Variants in PRDM16 observed in about 807,000 individuals in gnomAD.
PRDM16 encodes PR/SET domain 16, also known as histone-lysine N-methyltransferase PRDM16.
PRDM16 carries 23 observed loss-of-function variants against 110.6 expected under a neutral mutation model. The ratio of observed to expected loss-of-function variants is 0.21; its 90% CI spans 0.15 to 0.29. PRDM16 has a LOEUF of 0.29. Among genes scored for constraint, PRDM16 ranks in the 10% least tolerant of loss-of-function variants. The pLI is 1.00. For missense variants in PRDM16, 1,615 were observed against 1,794.3 expected, an observed-to-expected ratio of 0.90 and a Z score of 1.81; for synonymous variants, 799 against 781.8, an observed-to-expected ratio of 1.02 and a Z score of -0.37.
intron 3 of PRDM16, among the ~76,000 whole-genome samples, chr1:3,380,878 C>T (rs1643090621): frequency 6.6e-6 from 1 of 152,130 alleles, no homozygotes; most frequent in Admixed American, 6.5e-5. Context: ...GTGCCTCCTC[C>T]ACAGAGCACA....
At chr1:3,294,409 GT>G (rs1488196314) in intron 3 of PRDM16, among the ~76,000 whole-genome samples, 1 of 152,052 alleles carries the variant, frequency 6.6e-6, no homozygotes, top group Admixed American at 6.5e-5. Context: ...CCACCTCAGG[GT>G]TTTCTCTTCC....
At chr1:3,152,379 TCCA>T (rs1337258782) in intron 1 of PRDM16, among the ~76,000 whole-genome samples, 6 of 128,720 alleles carry the variant, frequency 4.7e-5, no homozygotes, top group Admixed American at 2.1e-4. Flanking sequence ...CATCCATCCA[TCCA>T]TTTATCCATC....
chr1:3,195,675 T>G (rs1638456362), intron 2 of PRDM16, among the ~76,000 whole-genome samples: 1 of 151,028 alleles, frequency 6.6e-6, no homozygotes, highest in Admixed American at 6.6e-5. Context: ...TCATCAGGGC[T>G]GCCAGCCTGA....
chr1:3,150,476 C>T (rs994122381), intron 1 of PRDM16, among the ~76,000 whole-genome samples: 1 of 152,008 alleles, frequency 6.6e-6, no homozygotes, highest in Non-Finnish European at 1.5e-5. Context: ...GAGAATCACT[C>T]GAACCCAGGA....
chr1:3,374,119 G>C (rs1225090139), intron 3 of PRDM16, among the ~76,000 whole-genome samples: 3 of 152,210 alleles, frequency 2.0e-5, no homozygotes, highest in Non-Finnish European at 2.9e-5. Context: ...AGGAGGGCCA[G>C]GGCTGGATCC....
At chr1:3,188,057 G>A (rs540030021) in intron 2 of PRDM16, among the ~76,000 whole-genome samples, 5 of 152,278 alleles carry the variant, frequency 3.3e-5, no homozygotes, top group Admixed American at 6.5e-5. Context: ...GTTTGGAGTC[G>A]AAGACCTCAG....
intron 14 of PRDM16, among the ~76,000 whole-genome samples, chr1:3,430,631 T>G (rs116563480): frequency 6.6e-6 from 1 of 152,236 alleles, no homozygotes; most frequent in Non-Finnish European, 1.5e-5. Context: ...TGCTGGGCCT[T>G]GCCCTGCCCC....
intron 2 of PRDM16, among the ~76,000 whole-genome samples, chr1:3,231,644 G>T (rs377337727): frequency 2.6e-5 from 4 of 152,258 alleles, no homozygotes; most frequent in African/African-American, 9.6e-5. Context: ...GGAACATTCC[G>T]TGTTGGTCAG....
At chr1:3,146,635 G>GTGCTCA (rs1643663571) in intron 1 of PRDM16, among the ~76,000 whole-genome samples, 1 of 141,270 alleles carries the variant, frequency 7.1e-6, no homozygotes, top group African/African-American at 2.7e-5. Context: ...GCATGTGCTT[G>GTGCTCA]GTATGGGGTG....
chr1:3,362,510 G>C (rs1257203060), intron 3 of PRDM16, among the ~76,000 whole-genome samples: 1 of 152,162 alleles, frequency 6.6e-6, no homozygotes, highest in Non-Finnish European at 1.5e-5. Flanking sequence ...GCAGGGTGGG[G>C]CTCGGGTGTC....
At position 3,436,364 on chromosome 1, in the gene PRDM16, C is replaced by A. The variant is rs1001892425; in HGVS notation, c.*2553C>A. The A allele has an allele frequency of 4.3e-6, 1 of 229,908 alleles. No homozygotes were observed. Among genetic ancestry groups the A allele is most frequent in the Non-Finnish European group, 8.6e-6 (1 of 116,050 alleles). The allele number at this position is 229,908 out of a possible 1,614,324, so 14.2% of individuals were successfully genotyped here. On this transcript the variant is annotated 3_prime_UTR_variant, in exon 17 of 17. Coordinates refer to ENST00000270722, the MANE Select transcript of PRDM16 (RefSeq NM_022114.4). ...CCGCCGTTTTCGGCTGTCTTCCTAACCGTCCTGTCTTCTCTTGGCGCTCTT... is the reference window on the plus strand; with the variant it reads ...CCGCCGTTTTCGGCTGTCTTCCTAAACGTCCTGTCTTCTCTTGGCGCTCTT...
intron 1 of PRDM16, among the ~76,000 whole-genome samples, chr1:3,184,498 C>G (rs1300793522): frequency 6.6e-6 from 1 of 152,194 alleles, no homozygotes; most frequent in Non-Finnish European, 1.5e-5. Context: ...AGATCTAGAT[C>G]AGGTCAGGGT....
At position 3,081,418 on chromosome 1, in the gene PRDM16, C is replaced by T. The variant is rs560608125; in HGVS notation, c.37+12122C>T. ...AGAGGCCCATTCCTGCAGCCTGGCC[C>T]GGCCGGCCCCTGGAGAGCCCCCTCC... On this transcript the variant is annotated intron_variant, in intron 1 of 16. Transcript: ENST00000270722. The surrounding 1 kb of genome is among the most constrained non-coding windows in gnomAD (Gnocchi z 4.6). Among the ~76,000 whole-genome samples, 2 of 152,282 alleles carry T rather than the reference C, an allele frequency of 1.3e-5. No homozygotes were observed. The highest frequency in any genetic ancestry group is 1.9e-4 in the East Asian group (1 of 5,160).
rs960576981 is a variant in PRDM16 at position 3,243,534 on chromosome 1, C to T, written c.388-553C>T. ...CCGCTGGGCAGAGTCCAGCTCCCCCCGACCTCTGCCTCCTGAGCTGGACTG... is the reference window on the plus strand; with the variant it reads ...CCGCTGGGCAGAGTCCAGCTCCCCCTGACCTCTGCCTCCTGAGCTGGACTG... On this transcript the variant is annotated intron_variant, in intron 2 of 16. Coordinates refer to ENST00000270722, the MANE Select transcript of PRDM16 (RefSeq NM_022114.4). The surrounding 1 kb of genome is among the most constrained non-coding windows in gnomAD (Gnocchi z 5.5). Among the ~76,000 whole-genome samples, 18 of 152,252 alleles carry T rather than the reference C, an allele frequency of 1.2e-4. No homozygotes were observed. Among genetic ancestry groups the T allele is most frequent in the African/African-American group, 3.9e-4 (16 of 41,464 alleles).
intron 1 of PRDM16, among the ~76,000 whole-genome samples, chr1:3,169,893 G>C (rs1192993421): frequency 6.6e-6 from 1 of 152,234 alleles, no homozygotes; most frequent in African/African-American, 2.4e-5. Flanking sequence ...ATAGCGGGGG[G>C]ACTGTCGTTA....
intron 1 of PRDM16, among the ~76,000 whole-genome samples, chr1:3,180,251 C>T (rs543059657): frequency 5.2e-4 from 79 of 151,762 alleles, no homozygotes; most frequent in African/African-American, 1.7e-3. Flanking sequence ...ATCTCGGAGC[C>T]GGGCAGGAAT....
intron 1 of PRDM16, among the ~76,000 whole-genome samples, chr1:3,179,400 C>G (rs897359902): frequency 7.2e-5 from 11 of 152,230 alleles, no homozygotes; most frequent in Admixed American, 6.5e-4. Context: ...CTTCACCCCC[C>G]TGTGCCTCTG....
At chr1:3,181,033 C>T (rs956078737) in intron 1 of PRDM16, among the ~76,000 whole-genome samples, 4 of 142,596 alleles carry the variant, frequency 2.8e-5, no homozygotes, top group Admixed American at 1.4e-4. Context: ...GTCTTACACG[C>T]GGTCTTACAC....
At chr1:3,318,535 TC>T (rs1641665476) in intron 3 of PRDM16, among the ~76,000 whole-genome samples, 1 of 152,246 alleles carries the variant, frequency 6.6e-6, no homozygotes, top group Admixed American at 6.5e-5. Context: ...CAATTGATTA[TC>T]CATCTATCAA....
Sources: allele counts gnomAD v4.1 joint callset (sites outside exome capture counted in the v4.1 genomes callset), GRCh38; gene constraint gnomAD v4.1.1; non-coding constraint Gnocchi (gnomAD v3.1); transcripts MANE v1.5; gene names NCBI Gene and HGNC (gene_info 2026-07-23, HGNC 2026-07-21).